Variants in CPAP observed in about 807,000 individuals in gnomAD.
CPAP encodes the protein centrosomal P4.1-associated protein.
chr13:24,892,804 T>TCAAG, the CPAP span: 1 of 1,614,014 alleles, frequency 6.2e-7, no homozygotes, highest in Non-Finnish European at 8.5e-7. Flanking sequence ...CTGTGTGTAC[T>TCAAG]TGACCATTTG....
the CPAP span, among the ~76,000 whole-genome samples, chr13:24,922,308 G>C: frequency 6.6e-6 from 1 of 152,200 alleles, no homozygotes; most frequent in Admixed American, 6.5e-5. Flanking sequence ...GGTCTGGGAA[G>C]TGATTTAGCA....
chr13:24,883,848 A>G, the CPAP span: 1 of 1,119,038 alleles, frequency 8.9e-7, no homozygotes, highest in Non-Finnish European at 1.4e-6. Flanking sequence ...TTCAAACTGA[A>G]CCCCCTAATA....
the CPAP span, among the ~76,000 whole-genome samples, chr13:24,915,489 G>A: frequency 1.3e-5 from 2 of 152,186 alleles, no homozygotes; most frequent in Non-Finnish European, 2.9e-5. Context: ...TGAGATCAAT[G>A]AGGGATTGAG....
the CPAP span, among the ~76,000 whole-genome samples, chr13:24,914,089 A>G: frequency 1.7e-4 from 26 of 152,300 alleles, no homozygotes; most frequent in Middle Eastern, 3.4e-3. Context: ...TTAAATAGCA[A>G]TAAGTGCAAA....
the CPAP span, chr13:24,910,167 CAA>C: frequency 8.0e-7 from 1 of 1,244,698 alleles, no homozygotes; most frequent in Middle Eastern, 2.6e-4. Context: ...CCCCACCCCA[CAA>C]AGACTTCTCC....
the CPAP span, chr13:24,933,256 C>T: frequency 1.3e-6 from 1 of 779,214 alleles, no homozygotes; most frequent in Non-Finnish European, 2.1e-6. Context: ...ACTGGAAGCT[C>T]ATCAGGAGAG....
At chr13:24,885,336 T>G in the CPAP span, 30 of 1,613,912 alleles carry the variant, frequency 1.9e-5, no homozygotes, top group Middle Eastern at 1.6e-4. Flanking sequence ...CCTCTTTATA[T>G]TCAGGATCTG....
chr13:24,882,662 T>TC, the CPAP span: 1 of 156,608 alleles, frequency 6.4e-6, no homozygotes, highest in Non-Finnish European at 1.4e-5. Flanking sequence ...CTATTTATAT[T>TC]CATCCACTGT....
chr13:24,882,867 C>T, the CPAP span: 1 of 207,404 alleles, frequency 4.8e-6, no homozygotes, highest in East Asian at 7.4e-5. Context: ...ACTTCCTGTA[C>T]TTCTTGGTTT....
At chr13:24,902,966 T>G in the CPAP span, among the ~76,000 whole-genome samples, 1 of 152,148 alleles carries the variant, frequency 6.6e-6, no homozygotes. Flanking sequence ...TGACATATAA[T>G]ATCCCCAACA....
chr13:24,895,365 GGA>G, the CPAP span, among the ~76,000 whole-genome samples: 2 of 152,158 alleles, frequency 1.3e-5, no homozygotes, highest in African/African-American at 4.8e-5. Context: ...CACAAGGTCA[GGA>G]GATCAAGACC....
the CPAP span, among the ~76,000 whole-genome samples, chr13:24,893,098 GCAGA>G: frequency 6.6e-6 from 1 of 152,144 alleles, no homozygotes; most frequent in African/African-American, 2.4e-5. Context: ...AGAAAGGAAG[GCAGA>G]CAGCACATGG....
chr13:24,909,792 G>A, the CPAP span: 1 of 1,610,720 alleles, frequency 6.2e-7, no homozygotes, highest in South Asian at 1.1e-5. Flanking sequence ...TAGCTCACCT[G>A]TAGGATGGTT....
the CPAP span, among the ~76,000 whole-genome samples, chr13:24,932,045 G>T: frequency 6.6e-6 from 1 of 152,232 alleles, no homozygotes; most frequent in South Asian, 2.1e-4. Flanking sequence ...GACGGTCCCT[G>T]CTAGGGACGC....
the CPAP span, among the ~76,000 whole-genome samples, chr13:24,894,144 AG>A: frequency 3.3e-5 from 5 of 152,196 alleles, no homozygotes; most frequent in Admixed American, 2.0e-4. Context: ...GGCCAGGGAC[AG>A]GAAGGGGAAA....
the CPAP span, among the ~76,000 whole-genome samples, chr13:24,897,619 AAAAC>A: frequency 6.6e-6 from 1 of 152,348 alleles, no homozygotes; most frequent in African/African-American, 2.4e-5. Flanking sequence ...ATACAATAAT[AAAAC>A]AAAGAACAAA....
the CPAP span, among the ~76,000 whole-genome samples, chr13:24,887,643 A>G: frequency 2.0e-3 from 305 of 151,690 alleles, no homozygotes; most frequent in African/African-American, 7.0e-3. Context: ...GGTGAGTTGT[A>G]TAATTATTTC....
the CPAP span, chr13:24,889,292 T>A: frequency 6.0e-6 from 9 of 1,499,574 alleles, no homozygotes; most frequent in Non-Finnish European, 8.4e-6. Context: ...AAATGTTTTA[T>A]AAAAAGATCA....
At chr13:24,930,367 G>A in the CPAP span, among the ~76,000 whole-genome samples, 7 of 151,980 alleles carry the variant, frequency 4.6e-5, no homozygotes, top group African/African-American at 1.7e-4. Context: ...TGTTACCTAG[G>A]TATAATTTGT....
Sources: gnomAD v4.1 joint callset for allele counts (sites outside exome capture counted in the v4.1 genomes callset) on GRCh38, gnomAD v4.1.1 for gene constraint, MANE v1.5 for transcripts, NCBI Gene and HGNC (gene_info 2026-07-23, HGNC 2026-07-21) for gene names.